KCNG3: variants seen among roughly 807,000 people sequenced by gnomAD.
KCNG3 encodes the protein potassium voltage-gated channel modifier subfamily G member 3.
A neutral mutation model predicts 29.0 loss-of-function variants in KCNG3; 15 were observed. The observed-to-expected ratio is 0.52, with a 90% confidence interval of 0.35 to 0.80. The LOEUF (loss-of-function observed/expected upper bound fraction) is 0.80, where lower values mean the gene tolerates loss of function less well. KCNG3 is among the 30% of genes least tolerant of loss of function. The pLI, the probability that KCNG3 is intolerant of heterozygous loss-of-function variation, is 0.01. For missense variants in KCNG3, 512 were observed against 605.7 expected (o/e 0.85, Z 1.62); for synonymous variants, 322 against 248.9 (o/e 1.29, Z -2.76).
intron 1 of KCNG3, among the ~76,000 whole-genome samples, chr2:42,492,099 T>C (rs896084872): frequency 2.0e-5 from 3 of 152,112 alleles, no homozygotes; most frequent in Non-Finnish European, 2.9e-5. Flanking sequence ...GAAAAAAAAA[T>C]TTACCCAAAT....
chr2:42,415,882 T>C, the KCNG3 span, among the ~76,000 whole-genome samples: 1 of 152,188 alleles, frequency 6.6e-6, no homozygotes, highest in African/African-American at 2.4e-5. Flanking sequence ...GTGGAATCTA[T>C]AACACTATCC....
intron 1 of KCNG3, among the ~76,000 whole-genome samples, chr2:42,448,791 C>CATGCTGGCTA (rs1672669507): frequency 6.6e-6 from 1 of 152,068 alleles, no homozygotes; most frequent in Non-Finnish European, 1.5e-5. Context: ...AGATCGAGAC[C>CATGCTGGCTA]ACAGTGAAAC....
At chr2:42,407,886 G>A in the KCNG3 span, among the ~76,000 whole-genome samples, 5 of 152,198 alleles carry the variant, frequency 3.3e-5, no homozygotes, top group South Asian at 2.1e-4. Context: ...CACCCAAACC[G>A]TGGCTGTGGA....
the KCNG3 span, among the ~76,000 whole-genome samples, chr2:42,428,742 C>G: frequency 6.6e-6 from 1 of 152,116 alleles, no homozygotes; most frequent in African/African-American, 2.4e-5. Flanking sequence ...ACTAAGTAAT[C>G]AGAAAGATCC....
chr2:42,483,320 A>G (rs547577220), intron 1 of KCNG3, among the ~76,000 whole-genome samples: 1 of 152,352 alleles, frequency 6.6e-6, no homozygotes, highest in South Asian at 2.1e-4. Flanking sequence ...ATCTATCAAA[A>G]AATGTTTAAA....
chr2:42,463,169 A>G, intron 1 of KCNG3: 1 of 346,218 alleles, frequency 2.9e-6, no homozygotes, highest in Non-Finnish European at 5.5e-6. Flanking sequence ...GACCAAGCTC[A>G]TGGCCACCAG....
At chr2:42,423,823 G>C in the KCNG3 span, among the ~76,000 whole-genome samples, 1 of 149,830 alleles carries the variant, frequency 6.7e-6, no homozygotes, top group Non-Finnish European at 1.5e-5. Flanking sequence ...AAAAAAAGCA[G>C]ATGATGACAG....
chr2:42,491,656 G>GT (rs1673879933), intron 1 of KCNG3, among the ~76,000 whole-genome samples: 1 of 152,158 alleles, frequency 6.6e-6, no homozygotes, highest in East Asian at 1.9e-4. Flanking sequence ...TTCAAAGCAT[G>GT]TATCTTCGAT....
chr2:42,474,163 G>C (rs1024991623), intron 1 of KCNG3, among the ~76,000 whole-genome samples: 1 of 151,514 alleles, frequency 6.6e-6, no homozygotes, highest in African/African-American at 2.4e-5. Context: ...TTGACTTAGT[G>C]ACCTAGAGCA....
intron 1 of KCNG3, among the ~76,000 whole-genome samples, chr2:42,447,345 T>C (rs1281666958): frequency 6.6e-6 from 1 of 152,036 alleles, no homozygotes; most frequent in East Asian, 1.9e-4. Flanking sequence ...AATAGTAGCA[T>C]GTTACACTAA....
At chr2:42,434,821 A>G in the KCNG3 span, among the ~76,000 whole-genome samples, 2 of 152,286 alleles carry the variant, frequency 1.3e-5, no homozygotes, top group African/African-American at 2.4e-5. Flanking sequence ...CCACACATCT[A>G]TGGTCAATTG....
At chr2:42,432,691 C>G in the KCNG3 span, among the ~76,000 whole-genome samples, 1 of 152,134 alleles carries the variant, frequency 6.6e-6, no homozygotes, top group Non-Finnish European at 1.5e-5. Flanking sequence ...AACATAAACT[C>G]AAATTAACTT....
Position 42,451,349 on chromosome 2 carries a change from G to A in KCNG3, c.666-6770C>T, listed in dbSNP as rs191016972. Among the ~76,000 whole-genome samples the A allele has an allele frequency of 1.8e-4, 28 of 152,110 alleles. No homozygotes were observed. The East Asian group carries it at 4.6e-3, about 25-fold the overall frequency. ...TCTCAGCACTTTGGGAGGCTGAAGTGGGAGGACTGCTTGAGCCCAGGAGTA... is the reference window on the plus strand; with the variant it reads ...TCTCAGCACTTTGGGAGGCTGAAGTAGGAGGACTGCTTGAGCCCAGGAGTA... On this transcript the variant is annotated intron_variant, in intron 1 of 1. Coordinates refer to ENST00000306078, the MANE Select transcript of KCNG3 (RefSeq NM_133329.6).
At chr2:42,421,227 T>C in the KCNG3 span, among the ~76,000 whole-genome samples, 19,796 of 152,276 alleles carry the variant, frequency 0.13, 1,436 homozygotes, top group South Asian at 0.26. Flanking sequence ...GCAACAATTA[T>C]GTGCTGGCCT....
intron 1 of KCNG3, among the ~76,000 whole-genome samples, chr2:42,452,982 A>G (rs1488779396): frequency 6.6e-6 from 1 of 152,172 alleles, no homozygotes; most frequent in African/African-American, 2.4e-5. Flanking sequence ...GGGTTTCACC[A>G]TGTTGGCCAA....
At chr2:42,484,020 C>T (rs532610753) in intron 1 of KCNG3, among the ~76,000 whole-genome samples, 7 of 152,210 alleles carry the variant, frequency 4.6e-5, no homozygotes, top group African/African-American at 1.7e-4. Flanking sequence ...TGAGCTCAAG[C>T]GATCCTCTCG....
chr2:42,471,155 AGTGTGTGTGT>A (rs565717729), intron 1 of KCNG3, among the ~76,000 whole-genome samples: 4 of 137,666 alleles, frequency 2.9e-5, no homozygotes, highest in African/African-American at 1.1e-4. Context: ...GTCTCAAAAA[AGTGTGTGTGT>A]GTGTGTGTGT....
At chr2:42,441,932 G>C (rs1011644983), downstream of KCNG3, 2 of 151,974 alleles carry the variant, frequency 1.3e-5, no homozygotes, top group South Asian at 2.1e-4. Context: ...GTATGCATGA[G>C]AGAGGATCCC....
chr2:42,393,307 T>A, the KCNG3 span, among the ~76,000 whole-genome samples: 1 of 149,590 alleles, frequency 6.7e-6, no homozygotes, highest in East Asian at 2.0e-4. Flanking sequence ...AGGCCTGTAA[T>A]CCCAGAACTT....
Sources: allele counts gnomAD v4.1 joint callset (sites outside exome capture counted in the v4.1 genomes callset), GRCh38; gene constraint gnomAD v4.1.1; transcripts MANE v1.5; gene names NCBI Gene and HGNC (gene_info 2026-07-23, HGNC 2026-07-21).